Variants in AP1B1 observed in about 807,000 individuals in gnomAD.
AP1B1 encodes AP-1 complex subunit beta-1.
AP1B1 carries 36 observed loss-of-function variants against 104.3 expected under a neutral mutation model. The ratio of observed to expected loss-of-function variants is 0.35; its 90% CI spans 0.26 to 0.46. The LOEUF (loss-of-function observed/expected upper bound fraction) is 0.46. AP1B1 is among the 20% of genes least tolerant of loss of function. The pLI, the probability that AP1B1 is intolerant of heterozygous loss-of-function variation, is 1.00. For missense variants in AP1B1, 901 were observed against 1,247.9 expected (o/e 0.72, Z 4.19); for synonymous variants, 504 against 517.5 (o/e 0.97, Z 0.35).
intron 1 of AP1B1, among the ~76,000 whole-genome samples, chr22:29,369,132 TTACTA>T (rs1434264768): frequency 2.6e-5 from 4 of 152,172 alleles, no homozygotes; most frequent in African/African-American, 9.7e-5. Context: ...TTTCAAGTCA[TTACTA>T]TACGGGGGCA....
intron 1 of AP1B1, among the ~76,000 whole-genome samples, chr22:29,369,216 C>T (rs1376703241): frequency 6.6e-6 from 1 of 152,068 alleles, no homozygotes; most frequent in African/African-American, 2.4e-5. Flanking sequence ...GAAACCAAGC[C>T]AACACAGCAC....
At chr22:29,344,650 G>A (rs1488829798) in intron 11 of AP1B1, among the ~76,000 whole-genome samples, 3 of 147,332 alleles carry the variant, frequency 2.0e-5, no homozygotes, top group African/African-American at 5.0e-5. Flanking sequence ...TCAGCCTCCC[G>A]AGCAGCTAGG....
rs544580005 is a variant in AP1B1, at chr22:29,334,385, T to C, written c.2189A>G (p.Lys730Arg). 3 of 1,607,330 alleles carry C rather than the reference T, an allele frequency of 1.9e-6. No homozygotes were observed. Among genetic ancestry groups the C allele is most frequent in the East Asian group, 4.5e-5 (2 of 44,208 alleles). ...KAVWLPAMKA[K>R]GLEISGTFTR... is the part of the protein sequence containing the mutation. Reference sequence around the variant, plus strand: ...GAAGGTGCCTGAGATCTCCAGCCCCTTAGCCTTCATGGCTGGGAGCCAGAC... The same window carrying C: ...GAAGGTGCCTGAGATCTCCAGCCCCCTAGCCTTCATGGCTGGGAGCCAGAC... Residue 730 changes from lysine (K) to arginine (R), a missense_variant, in exon 17 of 23, where the codon AAG becomes AGG. By Grantham distance (26) the Lys-to-Arg change is conservative. This residue lies in a region of AP1B1 where 424 missense variants were observed against 494.0 expected (regional missense o/e 0.86). Coordinates refer to ENST00000357586, the MANE Select transcript of AP1B1 (RefSeq NM_001127.4).
intron 11 of AP1B1, among the ~76,000 whole-genome samples, chr22:29,344,316 G>A (rs1187976921): frequency 6.6e-6 from 1 of 151,928 alleles, no homozygotes; most frequent in Non-Finnish European, 1.5e-5. Flanking sequence ...TGTATTGCCA[G>A]AGGGAGGTCT....
chr22:29,338,993 T>G lies in AP1B1; in HGVS notation c.2160A>C (p.Lys720Asn). ...AGACAGAAGACAAGTGACTTACTGC[T>G]TTGGGGGCCACATATGATCCTGACA... The part of the protein sequence containing the change: ...GTLSGSYVAP[K>N]AVWLPAMKAK... The change falls in exon 16 of 23, where the codon AAA (lysine) becomes AAC (asparagine). Residue 720 changes from lysine to asparagine, a missense_variant. Physicochemically the swap from Lys to Asn is moderately conservative, Grantham distance 94. This residue lies in a region of AP1B1 where 424 missense variants were observed against 494.0 expected (regional missense o/e 0.86). Transcript: ENST00000357586. 1.2e-6 allele frequency: 2 copies of G among 1,614,092 alleles called. No individual in the cohort carries two copies. Among genetic ancestry groups the G allele is most frequent in the Non-Finnish European group, 1.7e-6 (2 of 1,179,998 alleles).
chr22:29,353,187 C>T (rs6006102), intron 7 of AP1B1, among the ~76,000 whole-genome samples: 4,400 of 152,076 alleles, frequency 0.029, 149 homozygotes, highest in African/African-American at 0.087. Context: ...GGAAAAGATA[C>T]GAGGACAGAT....
chr22:29,386,653 T>TA (rs917994703), intron 1 of AP1B1, among the ~76,000 whole-genome samples: 22 of 148,652 alleles, frequency 1.5e-4, no homozygotes, highest in African/African-American at 3.7e-4. Flanking sequence ...TCACACAGCT[T>TA]AAAAAAAAAA....
intron 1 of AP1B1, among the ~76,000 whole-genome samples, chr22:29,375,346 TCA>T (rs1414753180): frequency 1.8e-5 from 1 of 54,078 alleles, no homozygotes; most frequent in Non-Finnish European, 2.9e-5. Context: ...TGAGATTCCA[TCA>T]CAAAAAAAAA....
chr22:29,358,611 C>T (rs2061995919), intron 5 of AP1B1, 115 bp downstream of exon 5: 1 of 1,405,132 alleles, frequency 7.1e-7, no homozygotes, highest in South Asian at 1.3e-5. Context: ...ACTGGCACCC[C>T]CAGCCAGGCT....
At chr22:29,337,581 G>C (rs982175441) in intron 16 of AP1B1, among the ~76,000 whole-genome samples, 26 of 152,182 alleles carry the variant, frequency 1.7e-4, no homozygotes, top group Non-Finnish European at 2.9e-5. Context: ...AGAGAGAGGG[G>C]AGCTCTGGCA....
Position 29,328,748 on chromosome 22 carries a change from GGAA to G in AP1B1, c.*70_*72del. 2 of 1,538,806 alleles carry G rather than the reference GGAA, an allele frequency of 1.3e-6. No homozygotes were observed. Among genetic ancestry groups the G allele is most frequent in the Admixed American group, 2.0e-5 (1 of 50,964 alleles). ...CCCCGCCTGGTCCCTCCTGCGAGGAGGAAGATGTGCTGCCCCCGAGGGGCCTCC... is the reference window on the plus strand; with the variant it reads ...CCCCGCCTGGTCCCTCCTGCGAGGAGGATGTGCTGCCCCCGAGGGGCCTCC... On this transcript the variant is annotated 3_prime_UTR_variant, in exon 23 of 23. Coordinates refer to ENST00000357586, the MANE Select transcript of AP1B1 (RefSeq NM_001127.4). This position sits in a 1 kb window ranked among gnomAD's most constrained non-coding sequence, Gnocchi z 4.1.
chr22:29,368,117 G>A (rs758503419), intron 1 of AP1B1, among the ~76,000 whole-genome samples: 1 of 152,126 alleles, frequency 6.6e-6, no homozygotes, highest in Non-Finnish European at 1.5e-5. Flanking sequence ...GGCCAACATG[G>A]TAAAAACCAT....
At chr22:29,372,980 C>G (rs1385174497) in intron 1 of AP1B1, among the ~76,000 whole-genome samples, 1 of 152,178 alleles carries the variant, frequency 6.6e-6, no homozygotes, top group African/African-American at 2.4e-5. Flanking sequence ...AGTTCAATTT[C>G]CCTCTTTAAA....
At chr22:29,351,597 G>A in intron 8 of AP1B1, 108 bp downstream of exon 8, 1 of 1,435,716 alleles carries the variant, frequency 7.0e-7, no homozygotes, top group East Asian at 2.4e-5. Context: ...CTCTTCATGA[G>A]ATAAACCGTT....
intron 22 of AP1B1, chr22:29,329,253 C>T: frequency 1.7e-6 from 2 of 1,155,890 alleles, no homozygotes; most frequent in Non-Finnish European, 2.1e-6. Context: ...AGGACTGAAG[C>T]CTGACAGAAA....
intron 7 of AP1B1, among the ~76,000 whole-genome samples, chr22:29,353,456 A>G (rs1425467916): frequency 1.3e-5 from 2 of 152,222 alleles, no homozygotes; most frequent in Non-Finnish European, 2.9e-5. Context: ...TATGTTAAAT[A>G]TAGCACAGGG....
intron 9 of AP1B1, 61 bp from the exon 10 acceptor site, chr22:29,350,211 G>C (rs1285248051): frequency 3.0e-6 from 4 of 1,348,982 alleles, no homozygotes; most frequent in Admixed American, 3.5e-5. Flanking sequence ...TAGAGCCTCT[G>C]ATGTCCACGC....
At chr22:29,337,107 C>T (rs2061649698) in intron 16 of AP1B1, among the ~76,000 whole-genome samples, 1 of 152,226 alleles carries the variant, frequency 6.6e-6, no homozygotes, top group Non-Finnish European at 1.5e-5. Context: ...CCCTGACACC[C>T]CACGCATGAA....
chr22:29,356,194 C>T (rs2059464853), intron 6 of AP1B1, among the ~76,000 whole-genome samples: 1 of 152,262 alleles, frequency 6.6e-6, no homozygotes, highest in African/African-American at 2.4e-5. Flanking sequence ...CTTCTGCCAG[C>T]TCCAAGGCCA....
Sources: allele counts gnomAD v4.1 joint callset (sites outside exome capture counted in the v4.1 genomes callset), GRCh38; gene constraint gnomAD v4.1.1; regional missense constraint gnomAD v4.1.1; non-coding constraint Gnocchi (gnomAD v3.1); transcripts MANE v1.5; gene names NCBI Gene and HGNC (gene_info 2026-07-23, HGNC 2026-07-21).